The following DEDD variants were observed in gnomAD, a reference collection of about 807,000 sequenced individuals.
DEDD encodes death effector domain containing, also known as death effector domain-containing protein.
DEDD carries 3 observed loss-of-function variants against 29.2 expected under a neutral mutation model. That is an observed-to-expected ratio of 0.10 (90% confidence interval 0.05 to 0.27). The LOEUF (loss-of-function observed/expected upper bound fraction) is 0.27, where lower values mean the gene tolerates loss of function less well. DEDD is among the 10% of genes least tolerant of loss of function. DEDD has a pLI of 1.00. For missense variants in DEDD, 261 were observed against 420.5 expected (o/e 0.62, Z 3.32); for synonymous variants, 152 against 161.3 (o/e 0.94, Z 0.44).
At chr1:161,123,635 CAAAA>C (rs35678373) in intron 4 of DEDD, among the ~76,000 whole-genome samples, 200 bp downstream of exon 4, 5 of 88,940 alleles carry the variant, frequency 5.6e-5, no homozygotes, top group Admixed American at 2.3e-4. Flanking sequence ...GACTCTGTCT[CAAAA>C]AAAAAAAAAA....
At chr1:161,130,643 C>T (rs1247398844) in intron 2 of DEDD, among the ~76,000 whole-genome samples, 172 bp downstream of exon 2, 1 of 152,150 alleles carries the variant, frequency 6.6e-6, no homozygotes, top group African/African-American at 2.4e-5. Flanking sequence ...CTCCTATCTC[C>T]AATTAACTAA....
chr1:161,122,883 A>G lies in DEDD; in HGVS notation c.580+192T>C, dbSNP rs1461657172. 1 of 1,027,146 alleles carries G rather than the reference A, an allele frequency of 9.7e-7. No individual in the cohort carries two copies. The highest frequency in any genetic ancestry group is 1.5e-6 in the Non-Finnish European group (1 of 679,158). 63.6% of individuals were successfully genotyped at this position (1,027,146 alleles called of 1,614,324 possible). On this transcript the variant is annotated intron_variant, in intron 5 of 5. Transcript: ENST00000368006. The surrounding 1 kb of genome is among the most constrained non-coding windows in gnomAD (Gnocchi z 4.2). The stretch of plus-strand genomic sequence containing the variant: ...TCCCTGTGATGTAGTATTAACTAAC[A>G]AGAGTTGAAATGTACCCTGCCACAA...
rs1468076183 is a variant in DEDD at position 161,122,954 on chromosome 1, A to G, written c.580+121T>C. ...ACCAGACACCAAACCATTCAGCCTC[A>G]CTTTGCAATGGCAATCAAAGTGAAT... On this transcript the variant is annotated intron_variant, in intron 5 of 5. Coordinates refer to ENST00000368006, the MANE Select transcript of DEDD (RefSeq NM_032998.3). The surrounding 1 kb of genome is among the most constrained non-coding windows in gnomAD (Gnocchi z 4.2). 1.3e-6 allele frequency: 2 copies of G among 1,592,306 alleles called. No individual in the cohort carries two copies. Among genetic ancestry groups the G allele is most frequent in the Non-Finnish European group, 1.7e-6 (2 of 1,160,356 alleles).
Position 161,132,590 on chromosome 1 carries a change from G to A in DEDD, c.-137C>T, listed in dbSNP as rs1656794776. 6.2e-6 allele frequency: 1 copy of A among 160,074 alleles called. No individual in the cohort carries two copies. The highest frequency in any genetic ancestry group is 1.4e-5 in the Non-Finnish European group (1 of 73,934). The allele number at this position is 160,074 out of a possible 1,614,324, so 9.9% of individuals were successfully genotyped here. A position where few individuals can be genotyped will look rare whatever the true frequency, so the allele number is the denominator to read the frequency against. ...CGGCGCCGCCATGTTGGATCCATCCGCGCCGCTCTCCCGGGCCTGCCTCAC... is the reference window on the plus strand; with the variant it reads ...CGGCGCCGCCATGTTGGATCCATCCACGCCGCTCTCCCGGGCCTGCCTCAC... On this transcript the variant is annotated 5_prime_UTR_variant, in exon 1 of 6. Transcript: ENST00000368006.
chr1:161,121,886 G>A lies in DEDD; in HGVS notation c.*261C>T, dbSNP rs1655531601. 2.3e-6 allele frequency: 1 copy of A among 441,944 alleles called. No individual in the cohort carries two copies. The highest frequency in any genetic ancestry group is 4.1e-6 in the Non-Finnish European group (1 of 244,696). 27.4% of individuals were successfully genotyped at this position (441,944 alleles called of 1,614,324 possible). Reference sequence around the variant, plus strand: ...AGACTTTGCTTCTTCCTATACATTTGTCTTACGGCTCAGTGGTAAGGTAGC... The same window carrying A: ...AGACTTTGCTTCTTCCTATACATTTATCTTACGGCTCAGTGGTAAGGTAGC... On this transcript the variant is annotated 3_prime_UTR_variant, in exon 6 of 6. Coordinates refer to ENST00000368006, the MANE Select transcript of DEDD (RefSeq NM_032998.3).
chr1:161,125,122 G>GT (rs1257403698), intron 2 of DEDD: 1 of 152,218 alleles, frequency 6.6e-6, no homozygotes, highest in Non-Finnish European at 1.5e-5. Context: ...AATTCTGACT[G>GT]TATCACTGAA....
At position 161,126,596 on chromosome 1, in the gene DEDD, C is replaced by A. The variant is rs921462138; in HGVS notation, c.-64-2070G>T. On this transcript the variant is annotated intron_variant, in intron 2 of 5. Coordinates refer to ENST00000368006, the MANE Select transcript of DEDD (RefSeq NM_032998.3). The stretch of plus-strand genomic sequence containing the variant: ...TGACCTTGTGATCCGCCTGCCTCGG[C>A]CTCCGAAAGTGCTGAGATTACAGGT... Among the ~76,000 whole-genome samples the A allele has an allele frequency of 3.9e-5, 6 of 151,902 alleles. No individual in the cohort carries two copies. The East Asian group carries it at 1.2e-3, about 29-fold the overall frequency.
chr1:161,129,588 TAGAAA>T (rs1352949308), intron 2 of DEDD, among the ~76,000 whole-genome samples: 1 of 148,910 alleles, frequency 6.7e-6, no homozygotes, highest in Non-Finnish European at 1.5e-5. Context: ...TTAGTAAAAT[TAGAAA>T]AGAAAACATG....
rs1655726599 is a variant in DEDD, at chr1:161,123,224, G to A, written c.434-3C>T. The stretch of plus-strand genomic sequence containing the variant: ...CACCACAGGATAGTGGGGAGGCACT[G>A]ACCAGAAAGTAAAAGGGAAGAAAAC... On this transcript the variant is annotated splice_polypyrimidine_tract_variant and splice_region_variant and intron_variant, in intron 4 of 5. Coordinates refer to ENST00000368006, the MANE Select transcript of DEDD (RefSeq NM_032998.3). 6.2e-7 allele frequency: 1 copy of A among 1,611,730 alleles called. No individual in the cohort carries two copies. The highest frequency in any genetic ancestry group is 2.2e-5 in the East Asian group (1 of 44,806).
At chr1:161,132,505 T>G (rs951599215) in intron 1 of DEDD, 46 bp downstream of exon 1, 1 of 152,444 alleles carries the variant, frequency 6.6e-6, no homozygotes, top group Non-Finnish European at 1.5e-5. Flanking sequence ...CCCCGCCCCG[T>G]CCCGCTCGAC....
chr1:161,122,267 G>A lies in DEDD; in HGVS notation c.837C>T (p.Asp279=). ...CATGGCCCACAGCTTGCTTGAGGGA[G>A]TCTGTGATGAAGACACCTTTAAGTG... ...LEALKGVFIT[D]SLKQAVGHEA... is the part of the protein sequence containing the mutation. The change falls in exon 6 of 6, where the codon GAC becomes GAT. Residue 279 remains aspartate (D), a synonymous_variant. Coordinates refer to ENST00000368006, the MANE Select transcript of DEDD (RefSeq NM_032998.3). The surrounding 1 kb of genome is among the most constrained non-coding windows in gnomAD (Gnocchi z 4.2). 6.2e-7 allele frequency: 1 copy of A among 1,614,236 alleles called. No individual in the cohort carries two copies. The highest frequency in any genetic ancestry group is 1.1e-5 in the South Asian group (1 of 91,088).
chr1:161,122,024 T>TTAA lies in DEDD; in HGVS notation c.*122_*123insTTA. 9.4e-7 allele frequency: 1 copy of TTAA among 1,068,150 alleles called. No individual in the cohort carries two copies. Among genetic ancestry groups the TTAA allele is most frequent in the Non-Finnish European group, 1.3e-6 (1 of 781,934 alleles). The allele number at this position is 1,068,150 out of a possible 1,614,324, so 66.2% of individuals were successfully genotyped here. On this transcript the variant is annotated 3_prime_UTR_variant, in exon 6 of 6. Coordinates refer to ENST00000368006, the MANE Select transcript of DEDD (RefSeq NM_032998.3). This position sits in a 1 kb window ranked among gnomAD's most constrained non-coding sequence, Gnocchi z 4.2. ...TTCCACTTTCTTTTGTCTTTTTCTT[T>TTAA]AAAAAAAAAAAAAAAAAGGCAGGGG...
rs1010693496 is a variant in DEDD at position 161,122,336 on chromosome 1, G to A, written c.768C>T (p.Leu256=). 5.0e-6 allele frequency: 8 copies of A among 1,614,180 alleles called. No individual in the cohort carries two copies. The East Asian group carries it at 1.1e-4, about 22-fold the overall frequency. ...CDIKFSELTY[L]DAFWRDYING... is the part of the protein sequence containing the mutation. ...TGATGTAGTCACGCCAGAATGCATC[G>A]AGGTAGGTGAGCTCAGAGAACTTGA... Residue 256 remains leucine, a synonymous_variant, in exon 6 of 6, where the codon CTC becomes CTT. Transcript: ENST00000368006. This position sits in a 1 kb window ranked among gnomAD's most constrained non-coding sequence, Gnocchi z 4.2.
intron 4 of DEDD, 131 bp from the exon 5 acceptor site, chr1:161,123,352 A>G: frequency 1.1e-6 from 1 of 913,272 alleles, no homozygotes; most frequent in South Asian, 1.6e-5. Flanking sequence ...TTGAAAAGAC[A>G]TGTGAGACCA....
In DEDD at chr1:161,124,430, C is replaced by T. The variant is rs775729600; in HGVS notation, c.33G>A (p.Val11=). The T allele has an allele frequency of 2.1e-5, 34 of 1,606,328 alleles. No individual in the cohort carries two copies. The highest frequency in any genetic ancestry group is 2.8e-5 in the Non-Finnish European group (33 of 1,173,838). Residue 11 remains valine (V), a synonymous_variant, in exon 3 of 6, where the codon GTG becomes GTA. Coordinates refer to ENST00000368006, the MANE Select transcript of DEDD (RefSeq NM_032998.3). ...CCTGCTCACCATGCTCTTCTGGCCA[C>T]ACCTGGCTTGCCCGCCGCTTTAGGC... MAGLKRRASQ[V]WPEEHGEQEH... is the part of the protein sequence containing the mutation.
chr1:161,123,707 AT>A (rs112931699), intron 4 of DEDD, 131 bp downstream of exon 4: 64,430 of 574,308 alleles, frequency 0.11, no homozygotes, highest in Middle Eastern at 0.14. Context: ...ACCTCGCCTG[AT>A]TTTTTTTTTT....
rs369401182 is a variant in DEDD, at chr1:161,125,708, G to A, written c.-64-1182C>T. On this transcript the variant is annotated intron_variant, in intron 2 of 5. Coordinates refer to ENST00000368006, the MANE Select transcript of DEDD (RefSeq NM_032998.3). ...GTAGAGATGGGTTTTTACCATGATG[G>A]TCAGGCTGGTCTTGAACTCCTGACC... Among the ~76,000 whole-genome samples the A allele has an allele frequency of 3.7e-4, 57 of 152,198 alleles. 1 individual carries two copies. In the East Asian group the frequency reaches 6.6e-3, roughly 18 times the overall value.
intron 2 of DEDD, among the ~76,000 whole-genome samples, chr1:161,129,420 C>T (rs533389492): frequency 1.3e-5 from 2 of 152,074 alleles, no homozygotes; most frequent in South Asian, 4.1e-4. Flanking sequence ...CATGACACAA[C>T]TCCATCTCTA....
chr1:161,123,043 G>C (rs1398502039), intron 5 of DEDD, 32 bp downstream of exon 5: 2 of 1,614,168 alleles, frequency 1.2e-6, no homozygotes. Flanking sequence ...CTTCAAGTCT[G>C]CTCCATCTCT....
Sources: allele counts gnomAD v4.1 joint callset (sites outside exome capture counted in the v4.1 genomes callset), GRCh38; gene constraint gnomAD v4.1.1; non-coding constraint Gnocchi (gnomAD v3.1); transcripts MANE v1.5; gene names NCBI Gene and HGNC (gene_info 2026-07-23, HGNC 2026-07-21).